Variants in FXYD6 observed in about 807,000 individuals in gnomAD.
FXYD6 encodes the protein FXYD domain-containing ion transport regulator 6.
A neutral mutation model predicts 16.7 loss-of-function variants in FXYD6; 7 were observed. The ratio of observed to expected loss-of-function variants is 0.42; its 90% CI spans 0.24 to 0.79. The LOEUF (loss-of-function observed/expected upper bound fraction) is 0.79, where lower values mean the gene tolerates loss of function less well. FXYD6 is among the 30% of genes least tolerant of loss of function. FXYD6 has a pLI of 0.28. For missense variants in FXYD6, 111 were observed against 116.2 expected, an observed-to-expected ratio of 0.95 and a Z score of 0.21; for synonymous variants, 49 against 43.0, an observed-to-expected ratio of 1.14 and a Z score of -0.54.
intron 1 of FXYD6, chr11:117,858,220 C>T (rs761325253): frequency 3.3e-5 from 5 of 152,384 alleles, no homozygotes; most frequent in Non-Finnish European, 7.3e-5. Context: ...CACACAGCTG[C>T]GTTTTTCTTC....
chr11:117,868,353 C>G (rs1453247604), intron 1 of FXYD6, among the ~76,000 whole-genome samples: 1 of 152,170 alleles, frequency 6.6e-6, no homozygotes, highest in African/African-American at 2.4e-5. Context: ...CTGATTGTAT[C>G]GTCTTGGTGT....
At chr11:117,840,002 A>G (rs2056301627) in intron 6 of FXYD6, 172 bp from the exon 7 acceptor site, 3 of 807,148 alleles carry the variant, frequency 3.7e-6, no homozygotes, top group South Asian at 1.6e-5. Context: ...TGCTGCTTAC[A>G]GGAACCTGGT....
At chr11:117,842,283 C>G (rs552213455) in intron 2 of FXYD6, 11 of 593,004 alleles carry the variant, frequency 1.9e-5, no homozygotes, top group African/African-American at 1.7e-4. Flanking sequence ...ATTCATTGCC[C>G]CTTTGTATTC....
At chr11:117,863,544 A>C (rs1188853232) in intron 1 of FXYD6, among the ~76,000 whole-genome samples, 3 of 152,042 alleles carry the variant, frequency 2.0e-5, no homozygotes, top group Non-Finnish European at 4.4e-5. Flanking sequence ...TTCCTCTAAC[A>C]TCAGGAACAA....
At chr11:117,857,825 C>T (rs552595315) in intron 1 of FXYD6, among the ~76,000 whole-genome samples, 1 of 152,226 alleles carries the variant, frequency 6.6e-6, no homozygotes, top group African/African-American at 2.4e-5. Context: ...AAAGGACTGG[C>T]CCCGAAGGCT....
intron 1 of FXYD6, among the ~76,000 whole-genome samples, chr11:117,868,666 T>C (rs1412587946): frequency 6.6e-6 from 1 of 152,204 alleles, no homozygotes; most frequent in Non-Finnish European, 1.5e-5. Context: ...TCAATATTAT[T>C]GTACCAATAT....
rs184554328 is a variant in FXYD6 at position 117,854,300 on chromosome 11, C to T, written c.-5-11519G>A. ...CAGTGGCCTCTTGACCAGCTCTAGC[C>T]GGAAGAGGGAGTGCAGTGTTGGCAA... On this transcript the variant is annotated intron_variant, in intron 1 of 7. Coordinates refer to ENST00000526014, the MANE Select transcript of FXYD6 (RefSeq NM_022003.4). 3.2e-4 allele frequency among the ~76,000 whole-genome samples: 48 copies of T among 152,282 alleles called. No homozygotes were observed. In the East Asian group the frequency reaches 5.4e-3, roughly 17 times the overall value.
intron 1 of FXYD6, chr11:117,844,073 A>T (rs1259019435): frequency 1.3e-5 from 2 of 152,412 alleles, no homozygotes; most frequent in Admixed American, 6.5e-5. Context: ...ACATCCGTCC[A>T]GTCCAAGACC....
chr11:117,861,042 T>C (rs2056893225), intron 1 of FXYD6, among the ~76,000 whole-genome samples: 1 of 152,192 alleles, frequency 6.6e-6, no homozygotes, highest in Non-Finnish European at 1.5e-5. Context: ...AGTGGCTCTG[T>C]GGCCTCGGGA....
At chr11:117,841,905 GA>G in intron 3 of FXYD6, 40 bp from the exon 4 acceptor site, 1 of 1,613,996 alleles carries the variant, frequency 6.2e-7, no homozygotes, top group African/African-American at 1.3e-5. Context: ...AGGGGCCAGG[GA>G]GAGGGTGTCT....
rs898630882 is a variant in FXYD6, at chr11:117,864,252, A to G, written c.-6+12340T>C. Among the ~76,000 whole-genome samples the G allele has an allele frequency of 6.6e-5, 10 of 152,238 alleles. No individual in the cohort carries two copies. The East Asian group carries it at 1.9e-3, about 29-fold the overall frequency. Reference sequence around the variant, plus strand: ...GTGACATAAGAACAGACATATATACACCAATAGAGTAGGATAAAGTCCAGA... The same window carrying G: ...GTGACATAAGAACAGACATATATACGCCAATAGAGTAGGATAAAGTCCAGA... On this transcript the variant is annotated intron_variant, in intron 1 of 7. Coordinates refer to ENST00000526014, the MANE Select transcript of FXYD6 (RefSeq NM_022003.4).
chr11:117,855,639 T>C (rs1039277882), intron 1 of FXYD6, among the ~76,000 whole-genome samples: 1 of 152,124 alleles, frequency 6.6e-6, no homozygotes, highest in Non-Finnish European at 1.5e-5. Flanking sequence ...AAAATCTCAG[T>C]TCCGGGCGAG....
intron 1 of FXYD6, among the ~76,000 whole-genome samples, chr11:117,865,380 T>C (rs573203398): frequency 3.0e-4 from 45 of 152,262 alleles, no homozygotes; most frequent in African/African-American, 1.0e-3. Context: ...CCCAAAAGAA[T>C]TGGAAATAGA....
Position 117,838,202 on chromosome 11 carries a change from T to A in FXYD6, c.*97A>T. ...TTGGCTTCTCCTGGGGAAAGGGCTG[T>A]TGCTGAAGTGGCCGGTTTTCTTAAG... On this transcript the variant is annotated 3_prime_UTR_variant, in exon 8 of 8. Transcript: ENST00000526014. The A allele has an allele frequency of 1.4e-6, 1 of 702,502 alleles. No homozygotes were observed. Among genetic ancestry groups the A allele is most frequent in the Middle Eastern group, 2.3e-4 (1 of 4,262 alleles). 43.5% of individuals were successfully genotyped at this position (702,502 alleles called of 1,614,324 possible). A position where few individuals can be genotyped will look rare whatever the true frequency, so the allele number is the denominator to read the frequency against.
intron 2 of FXYD6, among the ~76,000 whole-genome samples, chr11:117,842,507 G>C (rs1453552636): frequency 6.6e-6 from 1 of 152,182 alleles, no homozygotes; most frequent in Admixed American, 6.5e-5. Flanking sequence ...GGACCCTTAG[G>C]GGGCGAGGGG....
At chr11:117,844,863 G>T (rs1302666112) in intron 1 of FXYD6, among the ~76,000 whole-genome samples, 3 of 152,196 alleles carry the variant, frequency 2.0e-5, no homozygotes, top group African/African-American at 7.2e-5. Flanking sequence ...TAAAATTTCA[G>T]TTATGCAAAA....
chr11:117,837,717 G>C lies in FXYD6; in HGVS notation c.*582C>G, dbSNP rs1398070764. On this transcript the variant is annotated 3_prime_UTR_variant, in exon 8 of 8. Coordinates refer to ENST00000526014, the MANE Select transcript of FXYD6 (RefSeq NM_022003.4). This position sits in a 1 kb window ranked among gnomAD's most constrained non-coding sequence, Gnocchi z 4.4. ...TCAGACTGGGATCAGGTGGGATAAGGAAGCAAGGTTTTTGTTAAAGGAGTG... is the reference window on the plus strand; with the variant it reads ...TCAGACTGGGATCAGGTGGGATAAGCAAGCAAGGTTTTTGTTAAAGGAGTG... 6.2e-6 allele frequency: 1 copy of C among 160,606 alleles called. No homozygotes were observed. Among genetic ancestry groups the C allele is most frequent in the East Asian group, 1.7e-4 (1 of 5,786 alleles). The allele number at this position is 160,606 out of a possible 1,614,324, so 9.9% of individuals were successfully genotyped here. A position where few individuals can be genotyped will look rare whatever the true frequency, so the allele number is the denominator to read the frequency against.
intron 1 of FXYD6, among the ~76,000 whole-genome samples, chr11:117,852,377 C>T (rs1264300415): frequency 6.6e-6 from 1 of 152,222 alleles, no homozygotes. Flanking sequence ...CTAATACAAT[C>T]CTAACCTTGA....
At chr11:117,851,160 T>A (rs964508807) in intron 1 of FXYD6, among the ~76,000 whole-genome samples, 2 of 152,212 alleles carry the variant, frequency 1.3e-5, no homozygotes, top group Non-Finnish European at 2.9e-5. Flanking sequence ...AGTATTCAGA[T>A]CCTTGTACAG....
Sources: gnomAD v4.1 joint callset for allele counts (sites outside exome capture counted in the v4.1 genomes callset) on GRCh38, gnomAD v4.1.1 for gene constraint, Gnocchi (gnomAD v3.1) non-coding constraint, MANE v1.5 for transcripts, NCBI Gene and HGNC (gene_info 2026-07-23, HGNC 2026-07-21) for gene names.